DCTN4: variants seen among roughly 807,000 people sequenced by gnomAD.
DCTN4 encodes dynactin 4 (p62).
In DCTN4, 23 loss-of-function variants were observed where a neutral mutation model predicts 62.7. The observed-to-expected ratio is 0.37, with a 90% confidence interval of 0.26 to 0.52. The LOEUF (loss-of-function observed/expected upper bound fraction) is 0.52, where lower values mean the gene tolerates loss of function less well. DCTN4 is among the 20% of genes least tolerant of loss of function. DCTN4 has a pLI of 0.92. For missense variants in DCTN4, 514 were observed against 580.4 expected (o/e 0.89, Z 1.18); for synonymous variants, 199 against 202.1 (o/e 0.98, Z 0.13).
rs1291629291 is a variant in DCTN4 at position 150,709,915 on chromosome 5, C to T, written c.*1234G>A. The stretch of plus-strand genomic sequence containing the variant: ...CGGTGCAGCTGGTGGTCTACTTTAT[C>T]AAGTTTCATTTTAGAAAACATCATA... On this transcript the variant is annotated 3_prime_UTR_variant, in exon 13 of 13. Transcript: ENST00000447998. 6.6e-6 allele frequency: 1 copy of T among 152,330 alleles called. No individual in the cohort carries two copies. Among genetic ancestry groups the T allele is most frequent in the Non-Finnish European group, 1.5e-5 (1 of 68,036 alleles). The allele number at this position is 152,330 out of a possible 1,614,324, so 9.4% of individuals were successfully genotyped here.
At chr5:150,758,760 G>A in intron 1 of DCTN4, 99 bp downstream of exon 1, 1 of 1,514,688 alleles carries the variant, frequency 6.6e-7, no homozygotes, top group Non-Finnish European at 9.0e-7. Flanking sequence ...TAACCAATCA[G>A]TAAGGAAGGA....
chr5:150,739,990 A>C (rs1325957208), intron 4 of DCTN4, among the ~76,000 whole-genome samples: 1 of 152,202 alleles, frequency 6.6e-6, no homozygotes, highest in South Asian at 2.1e-4. Flanking sequence ...AGATAACATG[A>C]GAAAAATCCT....
intron 4 of DCTN4, among the ~76,000 whole-genome samples, chr5:150,736,898 A>C (rs1760601953): frequency 6.6e-6 from 1 of 152,160 alleles, no homozygotes; most frequent in African/African-American, 2.4e-5. Context: ...ACTCACATAA[A>C]CTTATGGTAA....
At chr5:150,720,179 C>G (rs563084508) in intron 9 of DCTN4, among the ~76,000 whole-genome samples, 2 of 152,304 alleles carry the variant, frequency 1.3e-5, no homozygotes, top group Admixed American at 1.3e-4. Context: ...TGGAACAAAG[C>G]TCACATAAAT....
chr5:150,731,843 C>T (rs946101185), intron 5 of DCTN4: 1 of 1,540,700 alleles, frequency 6.5e-7, no homozygotes, highest in Non-Finnish European at 8.8e-7. Context: ...TGGTCATCTG[C>T]TAACTTCTTC....
chr5:150,755,473 C>G (rs1241506441), intron 2 of DCTN4: 2 of 454,530 alleles, frequency 4.4e-6, no homozygotes, highest in Non-Finnish European at 8.8e-6. Context: ...TTAACACCAA[C>G]AGTGACAAGT....
chr5:150,756,685 T>C (rs1014600798), intron 1 of DCTN4, among the ~76,000 whole-genome samples, 198 bp from the exon 2 acceptor site: 1 of 151,980 alleles, frequency 6.6e-6, no homozygotes, highest in Non-Finnish European at 1.5e-5. Context: ...TCCTTCTATT[T>C]TTCTGATCTT....
chr5:150,742,086 C>A, intron 4 of DCTN4, 28 bp downstream of exon 4: 1 of 1,610,114 alleles, frequency 6.2e-7, no homozygotes, highest in South Asian at 1.1e-5. Flanking sequence ...CCGATTTCAT[C>A]CTCTCTCTCT....
At position 150,708,643 on chromosome 5, in the gene DCTN4, C is replaced by CAT. The variant is rs1311249835; in HGVS notation, c.*2504_*2505dup. 2.0e-5 allele frequency: 3 copies of CAT among 152,826 alleles called. No homozygotes were observed. The highest frequency in any genetic ancestry group is 4.4e-5 in the Non-Finnish European group (3 of 68,046). 9.5% of individuals were successfully genotyped at this position (152,826 alleles called of 1,614,324 possible). A position where few individuals can be genotyped will look rare whatever the true frequency, so the allele number is the denominator to read the frequency against. ...ACTTCATTTAAGGAATGGAAGGGAGCATGCCCCACCAACTCTCTTAGCCAA... is the reference window on the plus strand; with the variant it reads ...ACTTCATTTAAGGAATGGAAGGGAGCATATGCCCCACCAACTCTCTTAGCCAA... On this transcript the variant is annotated 3_prime_UTR_variant, in exon 13 of 13. Transcript: ENST00000447998.
At chr5:150,727,052 TA>T (rs1760171064) in intron 8 of DCTN4, among the ~76,000 whole-genome samples, 1 of 152,094 alleles carries the variant, frequency 6.6e-6, no homozygotes, top group South Asian at 2.1e-4. Context: ...CTGCAGGGGT[TA>T]GGGGCGGTGG....
intron 3 of DCTN4, among the ~76,000 whole-genome samples, chr5:150,749,051 A>C (rs1398837018): frequency 6.6e-6 from 1 of 152,210 alleles, no homozygotes. Context: ...GTTAGGCTAA[A>C]GTTTTTTTAA....
At chr5:150,748,662 T>C (rs1349678091) in intron 3 of DCTN4, among the ~76,000 whole-genome samples, 1 of 151,160 alleles carries the variant, frequency 6.6e-6, no homozygotes, top group Admixed American at 6.6e-5. Flanking sequence ...TTGGAAATCA[T>C]CATTCTCAGT....
intron 12 of DCTN4, among the ~76,000 whole-genome samples, chr5:150,713,682 G>C (rs1357219959): frequency 6.6e-6 from 1 of 151,678 alleles, no homozygotes; most frequent in African/African-American, 2.4e-5. Context: ...GACCTCAAGT[G>C]ATCTGCCTGC....
At chr5:150,758,377 G>C in intron 1 of DCTN4, 1 of 986,930 alleles carries the variant, frequency 1.0e-6, no homozygotes, top group South Asian at 4.6e-5. Flanking sequence ...TGCAGGCCTT[G>C]GCCTGAGTCA....
At chr5:150,751,578 ACTTT>A (rs1413793962) in intron 3 of DCTN4, among the ~76,000 whole-genome samples, 2 of 152,098 alleles carry the variant, frequency 1.3e-5, no homozygotes, top group South Asian at 2.1e-4. Context: ...CATTTAACTT[ACTTT>A]CTTTAACTTA....
At chr5:150,753,389 C>A in intron 3 of DCTN4, 90 bp downstream of exon 3, 1 of 1,174,542 alleles carries the variant, frequency 8.5e-7, no homozygotes, top group South Asian at 1.5e-5. Flanking sequence ...TAGCTCCTAT[C>A]GCCCCAACGG....
In DCTN4 at chr5:150,724,440, A is replaced by G. The variant is rs368611238; in HGVS notation, c.835-1460T>C. ...TATGGGTTTTCTTTGGCATGAGGGT[A>G]CAAGTTTTACTTTTAATGAAGTAAA... On this transcript the variant is annotated intron_variant, in intron 8 of 12. Coordinates refer to ENST00000447998, the MANE Select transcript of DCTN4 (RefSeq NM_016221.4). Among the ~76,000 whole-genome samples, 20 of 152,284 alleles carry G rather than the reference A, an allele frequency of 1.3e-4. 1 individual carries two copies. In the East Asian group the frequency reaches 3.3e-3, roughly 25 times the overall value.
At chr5:150,752,790 C>T (rs1752723585) in intron 3 of DCTN4, among the ~76,000 whole-genome samples, 1 of 152,074 alleles carries the variant, frequency 6.6e-6, no homozygotes, top group African/African-American at 2.4e-5. Flanking sequence ...TATAAGCGTT[C>T]CTCATTTCTG....
chr5:150,728,878 T>C (rs972577689), intron 8 of DCTN4, among the ~76,000 whole-genome samples: 2 of 150,280 alleles, frequency 1.3e-5, no homozygotes, highest in African/African-American at 5.0e-5. Context: ...CCACACACAA[T>C]CTTTTTTTTT....
Sources: gnomAD v4.1 joint callset for allele counts (sites outside exome capture counted in the v4.1 genomes callset) on GRCh38, gnomAD v4.1.1 for gene constraint, MANE v1.5 for transcripts, NCBI Gene and HGNC (gene_info 2026-07-23, HGNC 2026-07-21) for gene names.